Variants in NEK7 observed in about 807,000 individuals in gnomAD.
The protein encoded by NEK7 is NIMA related kinase 7, also known as serine/threonine-protein kinase Nek7.
In NEK7, 18 loss-of-function variants were observed where a neutral mutation model predicts 44.6. That is an observed-to-expected ratio of 0.40 (90% CI 0.28 to 0.60). The LOEUF is 0.60. Ranked by LOEUF, NEK7 falls within the 20% of genes least tolerant of loss-of-function variation. NEK7 has a pLI of 0.38. For synonymous variants in NEK7, 130 were observed against 121.1 expected, an observed-to-expected ratio of 1.07 and a Z score of -0.48; for missense variants, 256 against 366.5, an observed-to-expected ratio of 0.70 and a Z score of 2.46.
At chr1:198,264,943 A>G (rs1048082337) in intron 5 of NEK7, among the ~76,000 whole-genome samples, 2 of 152,046 alleles carry the variant, frequency 1.3e-5, no homozygotes, top group Admixed American at 6.6e-5. Context: ...AAGAGCTTAG[A>G]AGAATGCCTC....
At chr1:198,199,172 C>T (rs1665340036) in intron 1 of NEK7, among the ~76,000 whole-genome samples, 1 of 152,148 alleles carries the variant, frequency 6.6e-6, no homozygotes, top group African/African-American at 2.4e-5. Flanking sequence ...GGAAGAGCAC[C>T]ATGAAGGAAG....
Position 198,252,528 on chromosome 1 carries a change from CTATATATATATATATATATA to C in NEK7, c.58-491_58-472del, listed in dbSNP as rs1162099133. Reference sequence around the variant, plus strand: ...TTTTTAGGCTTTCCTATCTCACATACTATATATATATATATATATATATATATATATATATATATAAAAAG... The same window carrying C: ...TTTTTAGGCTTTCCTATCTCACATACTATATATATATATATATATAAAAAG... On this transcript the variant is annotated intron_variant, in intron 2 of 9. Transcript: ENST00000367385. 5.8e-4 allele frequency among the ~76,000 whole-genome samples: 19 copies of C among 32,698 alleles called. 1 individual carries two copies. The East Asian group carries it at 0.01, about 17-fold the overall frequency. 21.5% of individuals were successfully genotyped at this position (32,698 alleles called of 152,430 possible).
intron 1 of NEK7, among the ~76,000 whole-genome samples, chr1:198,173,877 C>T (rs764605926): frequency 6.6e-6 from 1 of 151,932 alleles, no homozygotes; most frequent in African/African-American, 2.4e-5. Flanking sequence ...TTTTCTTATT[C>T]TTTGGATAGT....
intron 2 of NEK7, 87 bp from the exon 3 acceptor site, chr1:198,252,953 C>A: frequency 9.0e-7 from 1 of 1,109,204 alleles, no homozygotes; most frequent in Non-Finnish European, 1.3e-6. Flanking sequence ...CCCTATGTGT[C>A]ACCTACATAT....
At chr1:198,240,735 G>C (rs1044161856) in intron 2 of NEK7, among the ~76,000 whole-genome samples, 3 of 152,150 alleles carry the variant, frequency 2.0e-5, no homozygotes, top group African/African-American at 4.8e-5. Flanking sequence ...TGTCACCTAG[G>C]CTGGAGTGCA....
In NEK7 at chr1:198,266,407, C is replaced by G. The variant is rs187747474; in HGVS notation, c.372+2172C>G. ...TATTTTTTCATTTATTAGACATTTA[C>G]TATGTGCCAGGTGCATGGTTCATGG... On this transcript the variant is annotated intron_variant, in intron 5 of 9. Coordinates refer to ENST00000367385, the MANE Select transcript of NEK7 (RefSeq NM_133494.3). Among the ~76,000 whole-genome samples the G allele has an allele frequency of 2.0e-5, 3 of 152,138 alleles. No homozygotes were observed. The East Asian group carries it at 5.8e-4, about 29-fold the overall frequency.
intron 9 of NEK7, among the ~76,000 whole-genome samples, chr1:198,310,782 T>C (rs1227667576): frequency 6.6e-6 from 1 of 152,188 alleles, no homozygotes; most frequent in Non-Finnish European, 1.5e-5. Flanking sequence ...GGCTCTGTTC[T>C]GTTCCATTGA....
intron 7 of NEK7, among the ~76,000 whole-genome samples, chr1:198,289,495 A>G (rs1244162143): frequency 6.6e-6 from 1 of 152,176 alleles, no homozygotes; most frequent in Non-Finnish European, 1.5e-5. Flanking sequence ...GAGGGAAGGA[A>G]ATAAAAAGAG....
chr1:198,296,964 T>G (rs1179020191), intron 8 of NEK7, among the ~76,000 whole-genome samples, 163 bp from the exon 9 acceptor site: 1 of 152,220 alleles, frequency 6.6e-6, no homozygotes, highest in Admixed American at 6.5e-5. Flanking sequence ...TTTTTAACTC[T>G]TAATAAATTT....
intron 7 of NEK7, among the ~76,000 whole-genome samples, chr1:198,287,049 C>T (rs1166873218): frequency 6.6e-6 from 1 of 152,082 alleles, no homozygotes; most frequent in Non-Finnish European, 1.5e-5. Flanking sequence ...CACCAAGAGG[C>T]GAAGATCATG....
intron 2 of NEK7, among the ~76,000 whole-genome samples, chr1:198,233,124 C>T (rs534982580): frequency 6.6e-6 from 1 of 150,726 alleles, no homozygotes; most frequent in Admixed American, 6.6e-5. Context: ...TGTGCCTAAG[C>T]TTGGGAGTGC....
chr1:198,230,665 ATCT>A (rs1666361912), intron 1 of NEK7, among the ~76,000 whole-genome samples: 1 of 152,058 alleles, frequency 6.6e-6, no homozygotes, highest in Non-Finnish European at 1.5e-5. Context: ...TGGATGTTCT[ATCT>A]ATTGTAGTAA....
chr1:198,214,683 T>C (rs1665865269), intron 1 of NEK7, among the ~76,000 whole-genome samples: 1 of 152,176 alleles, frequency 6.6e-6, no homozygotes, highest in African/African-American at 2.4e-5. Context: ...TATGGGATTA[T>C]ATAAATTGGC....
intron 1 of NEK7, among the ~76,000 whole-genome samples, chr1:198,171,323 T>C (rs1571499126): frequency 1.3e-5 from 2 of 152,326 alleles, no homozygotes; most frequent in African/African-American, 2.4e-5. Context: ...AACTAGGTTT[T>C]TTCCTTGCTT....
intron 1 of NEK7, among the ~76,000 whole-genome samples, chr1:198,203,427 G>A (rs1368894447): frequency 2.0e-5 from 3 of 152,174 alleles, no homozygotes; most frequent in Non-Finnish European, 4.4e-5. Flanking sequence ...TACAGGAATA[G>A]ACTTTATCTT....
intron 9 of NEK7, among the ~76,000 whole-genome samples, chr1:198,302,553 A>G (rs1000773933): frequency 2.0e-5 from 3 of 152,178 alleles, no homozygotes; most frequent in Non-Finnish European, 4.4e-5. Flanking sequence ...TAAAATGAAC[A>G]CAGGGATTAA....
chr1:198,189,131 G>A (rs1664997056), intron 1 of NEK7, among the ~76,000 whole-genome samples: 1 of 152,118 alleles, frequency 6.6e-6, no homozygotes, highest in South Asian at 2.1e-4. Context: ...ATTTAGTTCA[G>A]TTTATGTGTG....
chr1:198,253,241 A>G (rs1385523118), intron 3 of NEK7, 61 bp downstream of exon 3: 5 of 1,137,788 alleles, frequency 4.4e-6, no homozygotes, highest in Non-Finnish European at 6.4e-6. Flanking sequence ...TATAGATGAG[A>G]AAAGTATATC....
At chr1:198,279,500 G>C (rs1460693135) in intron 7 of NEK7, among the ~76,000 whole-genome samples, 3 of 151,924 alleles carry the variant, frequency 2.0e-5, no homozygotes, top group Non-Finnish European at 4.4e-5. Flanking sequence ...ATTACTAAAG[G>C]AGATCATTTT....
Sources: allele counts gnomAD v4.1 joint callset (sites outside exome capture counted in the v4.1 genomes callset), GRCh38; gene constraint gnomAD v4.1.1; transcripts MANE v1.5; gene names NCBI Gene and HGNC (gene_info 2026-07-23, HGNC 2026-07-21).